Variants in CTNNA3 observed in about 807,000 individuals in gnomAD.
CTNNA3 encodes the protein catenin alpha 3.
Under a neutral mutation model 95.7 loss-of-function variants are expected in CTNNA3, and 76 were observed. That is an observed-to-expected ratio of 0.79 (90% CI 0.66 to 0.96). The LOEUF (loss-of-function observed/expected upper bound fraction) is 0.96. Ranked by LOEUF, CTNNA3 falls within the 40% of genes least tolerant of loss-of-function variation. The probability of loss-of-function intolerance (pLI) is 0.00; values close to 1 mark genes in which losing one functional copy is unlikely to be tolerated. For missense variants in CTNNA3, 1,191 were observed against 1,089.8 expected (o/e 1.09, Z -1.31); for synonymous variants, 431 against 374.4 (o/e 1.15, Z -1.74).
At chr10:66,329,226 C>T (rs1035675991) in intron 12 of CTNNA3, among the ~76,000 whole-genome samples, 10 of 151,650 alleles carry the variant, frequency 6.6e-5, no homozygotes, top group South Asian at 4.2e-4. Flanking sequence ...GCTGGGATTA[C>T]GGGGTGAGCC....
At chr10:66,522,768 C>A (rs1026076418) in intron 10 of CTNNA3, among the ~76,000 whole-genome samples, 1 of 151,446 alleles carries the variant, frequency 6.6e-6, no homozygotes. Flanking sequence ...ATCCTGTCCA[C>A]GCACGTTATC....
chr10:67,148,331 A>G, intron 7 of CTNNA3, among the ~76,000 whole-genome samples: 1 of 152,196 alleles, frequency 6.6e-6, no homozygotes, highest in South Asian at 2.1e-4. Context: ...GGTCCTCTTG[A>G]ATGAACTAAT....
chr10:67,271,904 A>C (rs1838993846), intron 5 of CTNNA3, among the ~76,000 whole-genome samples: 1 of 152,208 alleles, frequency 6.6e-6, no homozygotes, highest in South Asian at 2.1e-4. Flanking sequence ...ACTAGTTCAC[A>C]GCATAAACCA....
intron 13 of CTNNA3, among the ~76,000 whole-genome samples, chr10:66,116,086 T>A (rs146634063): frequency 2.0e-5 from 3 of 152,314 alleles, no homozygotes; most frequent in African/African-American, 7.2e-5. Flanking sequence ...TAAGGAAGAA[T>A]TATGCTCTGT....
At chr10:67,024,522 G>T (rs866957761) in intron 7 of CTNNA3, among the ~76,000 whole-genome samples, 11 of 152,098 alleles carry the variant, frequency 7.2e-5, no homozygotes, top group Admixed American at 2.0e-4. Context: ...GGCATTATTT[G>T]GCCTACCATA....
intron 14 of CTNNA3, among the ~76,000 whole-genome samples, chr10:66,092,411 C>T (rs566946353): frequency 4.1e-4 from 62 of 151,306 alleles, no homozygotes; most frequent in African/African-American, 1.4e-3. Context: ...AGGCAAATGT[C>T]TTATGATGGT....
intron 13 of CTNNA3, among the ~76,000 whole-genome samples, chr10:66,139,353 T>C (rs1333724387): frequency 6.6e-6 from 1 of 152,196 alleles, no homozygotes; most frequent in Admixed American, 6.5e-5. Context: ...TATACCTTGA[T>C]GGCTTTGTGT....
chr10:66,173,851 C>T (rs2085563871), intron 13 of CTNNA3, among the ~76,000 whole-genome samples: 1 of 152,084 alleles, frequency 6.6e-6, no homozygotes, highest in Non-Finnish European at 1.5e-5. Flanking sequence ...TATTGAGCAC[C>T]TACTATGTTC....
At chr10:67,273,542 T>C (rs1839067417) in intron 5 of CTNNA3, among the ~76,000 whole-genome samples, 1 of 152,088 alleles carries the variant, frequency 6.6e-6, no homozygotes, top group South Asian at 2.1e-4. Context: ...AAACTGAAAA[T>C]ATGTCTATCC....
At chr10:66,239,551 C>A (rs1207957302) in intron 13 of CTNNA3, among the ~76,000 whole-genome samples, 1 of 151,924 alleles carries the variant, frequency 6.6e-6, no homozygotes, top group Non-Finnish European at 1.5e-5. Context: ...AAAACAAAAG[C>A]ACTTTATCAT....
intron 7 of CTNNA3, among the ~76,000 whole-genome samples, chr10:66,912,401 T>A (rs1846260159): frequency 6.6e-6 from 1 of 152,194 alleles, no homozygotes; most frequent in Admixed American, 6.5e-5. Flanking sequence ...CAATAGGGTA[T>A]AGTTTGTTTC....
chr10:67,176,016 T>C (rs553358857), intron 7 of CTNNA3, among the ~76,000 whole-genome samples: 1 of 152,258 alleles, frequency 6.6e-6, no homozygotes, highest in African/African-American at 2.4e-5. Flanking sequence ...TATAACAAAA[T>C]CAGCAGAAAT....
At chr10:67,512,526 G>T (rs998469849) in intron 5 of CTNNA3, among the ~76,000 whole-genome samples, 2 of 152,106 alleles carry the variant, frequency 1.3e-5, no homozygotes, top group Admixed American at 6.6e-5. Flanking sequence ...GACGACACGG[G>T]ATTCTAGAAA....
intron 5 of CTNNA3, among the ~76,000 whole-genome samples, chr10:67,454,718 T>C (rs1305156237): frequency 6.6e-6 from 1 of 151,942 alleles, no homozygotes; most frequent in East Asian, 1.9e-4. Flanking sequence ...CCTCTACCAA[T>C]GGAATCAATG....
At chr10:67,738,726 C>T (rs1234228249) in intron 1 of CTNNA3, among the ~76,000 whole-genome samples, 3 of 151,706 alleles carry the variant, frequency 2.0e-5, no homozygotes, top group Non-Finnish European at 4.4e-5. Flanking sequence ...ACTAGAATGA[C>T]CAATGCAGAG....
chr10:67,184,537 T>C (rs78393158), intron 6 of CTNNA3, among the ~76,000 whole-genome samples: 15,476 of 152,172 alleles, frequency 0.1, 1,346 homozygotes, highest in African/African-American at 0.24. Context: ...CTGAAGCAAT[T>C]GAGATGTCTA....
intron 3 of CTNNA3, among the ~76,000 whole-genome samples, chr10:67,557,362 G>A (rs1051634984): frequency 1.3e-5 from 2 of 152,168 alleles, no homozygotes; most frequent in African/African-American, 4.8e-5. Context: ...AGATGAATCT[G>A]ATGATTTTTA....
chr10:67,131,427 T>A (rs559251738), intron 7 of CTNNA3, among the ~76,000 whole-genome samples: 3 of 152,074 alleles, frequency 2.0e-5, no homozygotes, highest in Non-Finnish European at 2.9e-5. Context: ...AATAAACAAC[T>A]ATATAAGTAA....
chr10:67,732,531 T>C (rs1430988644), intron 1 of CTNNA3, among the ~76,000 whole-genome samples: 1 of 152,208 alleles, frequency 6.6e-6, no homozygotes, highest in Non-Finnish European at 1.5e-5. Flanking sequence ...AACTTTCTAA[T>C]TAAAAATGCA....
Sources: allele counts gnomAD v4.1 joint callset (sites outside exome capture counted in the v4.1 genomes callset), GRCh38; gene constraint gnomAD v4.1.1; transcripts MANE v1.5; gene names NCBI Gene and HGNC (gene_info 2026-07-23, HGNC 2026-07-21).